PALLD: variants seen among roughly 807,000 people sequenced by gnomAD.
PALLD encodes the protein palladin.
In PALLD, 61 loss-of-function variants were observed where a neutral mutation model predicts 123.5. The observed-to-expected ratio is 0.49, with a 90% CI of 0.40 to 0.61. The LOEUF (loss-of-function observed/expected upper bound fraction) is 0.61, where lower values mean the gene tolerates loss of function less well. Ranked by LOEUF, PALLD falls within the 20% of genes least tolerant of loss-of-function variation. PALLD has a pLI of 0.00. For synonymous variants in PALLD, 465 were observed against 496.4 expected, an observed-to-expected ratio of 0.94 and a Z score of 0.84; for missense variants, 1,273 against 1,377.0, an observed-to-expected ratio of 0.92 and a Z score of 1.20.
chr4:168,551,982 C>T (rs1766783204), intron 2 of PALLD, among the ~76,000 whole-genome samples: 1 of 152,128 alleles, frequency 6.6e-6, no homozygotes, highest in Admixed American at 6.5e-5. Context: ...TCCCGTGAGT[C>T]TTTGGTTTTG....
At chr4:168,771,782 G>T (rs1290157565) in intron 10 of PALLD, among the ~76,000 whole-genome samples, 2 of 152,070 alleles carry the variant, frequency 1.3e-5, no homozygotes, top group Non-Finnish European at 2.9e-5. Flanking sequence ...TAGCTTTGGG[G>T]ACCCTGGATG....
At chr4:168,680,438 C>T (rs543336627) in intron 3 of PALLD, among the ~76,000 whole-genome samples, 2 of 130,630 alleles carry the variant, frequency 1.5e-5, no homozygotes, top group African/African-American at 2.9e-5. Context: ...GCCAAGATTG[C>T]GCCACTGCAC....
Position 168,673,971 on chromosome 4 carries a change from A to G in PALLD, c.1087+5603A>G, listed in dbSNP as rs558726799. Among the ~76,000 whole-genome samples the G allele has an allele frequency of 1.5e-4, 22 of 151,714 alleles. 1 individual carries two copies. In the South Asian group the frequency reaches 4.2e-3, roughly 29 times the overall value. On this transcript the variant is annotated intron_variant, in intron 3 of 21. Coordinates refer to ENST00000505667, the MANE Select transcript of PALLD (RefSeq NM_001166108.2). ...GCTCTGTCACTCAGGCTGGAGTGTA[A>G]TGCCGCGATCTCGGCTCACTGCAAC...
chr4:168,572,300 G>T (rs548038932), intron 2 of PALLD, among the ~76,000 whole-genome samples: 1 of 152,164 alleles, frequency 6.6e-6, no homozygotes, highest in African/African-American at 2.4e-5. Context: ...TCCATGATCT[G>T]ATTTAATCTT....
At chr4:168,806,090 T>C (rs1372947322) in intron 10 of PALLD, among the ~76,000 whole-genome samples, 3 of 152,086 alleles carry the variant, frequency 2.0e-5, no homozygotes, top group Non-Finnish European at 2.9e-5. Context: ...TGAGTTGGAG[T>C]TTCACTCTGT....
chr4:168,580,632 C>G (rs1770161307), intron 2 of PALLD, among the ~76,000 whole-genome samples: 2 of 151,982 alleles, frequency 1.3e-5, no homozygotes, highest in Non-Finnish European at 2.9e-5. Flanking sequence ...GGTATATAGC[C>G]AAAGGAATAT....
chr4:168,646,646 T>A (rs1351182258), intron 2 of PALLD, among the ~76,000 whole-genome samples: 1 of 152,326 alleles, frequency 6.6e-6, no homozygotes, highest in South Asian at 2.1e-4. Context: ...ACCACACAGC[T>A]TGGGGCCTCT....
At chr4:168,861,115 A>G (rs1749391492) in intron 10 of PALLD, among the ~76,000 whole-genome samples, 1 of 152,242 alleles carries the variant, frequency 6.6e-6, no homozygotes, top group Admixed American at 6.5e-5. Flanking sequence ...TAGCCAAGGC[A>G]AACGAATTAA....
At chr4:168,562,703 G>A (rs912939652) in intron 2 of PALLD, among the ~76,000 whole-genome samples, 1 of 152,176 alleles carries the variant, frequency 6.6e-6, no homozygotes, top group African/African-American at 2.4e-5. Context: ...TGTTTGAAGA[G>A]AGGGAAGGAG....
rs774568391 is a variant in PALLD, at chr4:168,921,597, A to G, written c.2914A>G (p.Ser972Gly). Residue 972 changes from serine (S) to glycine (G), a missense_variant, in exon 18 of 22, where the codon AGT (serine) becomes GGT (glycine). Transcript: ENST00000505667. ...QLDGKPVRPD[S>G]AHKMLVRENG... ...AGATGGAAAGCCCGTACGCCCTGACAGTGCTCACAAGATGCTGGTGCGTGA... is the reference window on the plus strand; with the variant it reads ...AGATGGAAAGCCCGTACGCCCTGACGGTGCTCACAAGATGCTGGTGCGTGA... 1.2e-5 allele frequency: 20 copies of G among 1,610,218 alleles called. No individual in the cohort carries two copies. The highest frequency in any genetic ancestry group is 6.6e-5 in the South Asian group (6 of 90,700).
At chr4:168,764,173 C>G (rs887497675) in intron 10 of PALLD, among the ~76,000 whole-genome samples, 4 of 152,100 alleles carry the variant, frequency 2.6e-5, no homozygotes, top group African/African-American at 7.2e-5. Flanking sequence ...GGTGAGTGCT[C>G]AGTAAATATT....
At chr4:168,879,882 A>G (rs1463116994) in intron 10 of PALLD, among the ~76,000 whole-genome samples, 1 of 152,170 alleles carries the variant, frequency 6.6e-6, no homozygotes, top group Non-Finnish European at 1.5e-5. Flanking sequence ...TTGAGCTTTT[A>G]TTTAGCTGTT....
chr4:168,758,885 A>G (rs2150421171), intron 10 of PALLD, among the ~76,000 whole-genome samples: 1 of 151,974 alleles, frequency 6.6e-6, no homozygotes, highest in Middle Eastern at 3.4e-3. Context: ...TTAAAAGTAT[A>G]AAAACAAGGC....
At chr4:168,893,894 C>G (rs1358121798) in intron 11 of PALLD, among the ~76,000 whole-genome samples, 1 of 152,230 alleles carries the variant, frequency 6.6e-6, no homozygotes, top group Non-Finnish European at 1.5e-5. Flanking sequence ...AGGCTGTTAG[C>G]TTTGGCAAGT....
At chr4:168,783,954 A>G (rs1001693751) in intron 10 of PALLD, among the ~76,000 whole-genome samples, 9 of 152,182 alleles carry the variant, frequency 5.9e-5, no homozygotes, top group South Asian at 2.1e-4. Flanking sequence ...TGTAAAAGGT[A>G]ACTCCTGAGG....
chr4:168,780,947 C>G (rs536432677), intron 10 of PALLD, among the ~76,000 whole-genome samples: 2 of 152,286 alleles, frequency 1.3e-5, no homozygotes, highest in South Asian at 2.1e-4. Flanking sequence ...TTCAGCCTCC[C>G]AAAGTGCTGG....
At chr4:168,571,948 C>T (rs28508413) in intron 2 of PALLD, among the ~76,000 whole-genome samples, 2,484 of 152,166 alleles carry the variant, frequency 0.016, 73 homozygotes, top group African/African-American at 0.057. Context: ...AGTGCCAGGC[C>T]GGGCATGGTG....
chr4:168,895,165 C>T (rs987102662), intron 12 of PALLD, among the ~76,000 whole-genome samples: 5 of 152,020 alleles, frequency 3.3e-5, no homozygotes, highest in East Asian at 1.9e-4. Flanking sequence ...GGGTGGATCA[C>T]GAGGTCAGGA....
At chr4:168,674,708 A>G (rs1046988391) in intron 3 of PALLD, among the ~76,000 whole-genome samples, 2 of 152,210 alleles carry the variant, frequency 1.3e-5, no homozygotes, top group Non-Finnish European at 2.9e-5. Flanking sequence ...TTAAAGATCA[A>G]ATGGTACTGG....
Sources: gnomAD v4.1 joint callset for allele counts (sites outside exome capture counted in the v4.1 genomes callset) on GRCh38, gnomAD v4.1.1 for gene constraint, MANE v1.5 for transcripts, NCBI Gene and HGNC (gene_info 2026-07-23, HGNC 2026-07-21) for gene names.